ATF2: variants seen among roughly 807,000 people sequenced by gnomAD.
ATF2 encodes the protein activating transcription factor 2, also known as cyclic AMP-dependent transcription factor ATF-2.
A neutral mutation model predicts 60.6 loss-of-function variants in ATF2; 24 were observed. The ratio of observed to expected loss-of-function variants is 0.40; its 90% CI spans 0.29 to 0.56. The LOEUF (loss-of-function observed/expected upper bound fraction) is 0.56, where lower values mean the gene tolerates loss of function less well. Ranked by LOEUF, ATF2 falls within the 20% of genes least tolerant of loss-of-function variation. ATF2 has a pLI of 0.54. For missense variants in ATF2, 433 were observed against 607.7 expected, an observed-to-expected ratio of 0.71 and a Z score of 3.02; for synonymous variants, 206 against 215.4, an observed-to-expected ratio of 0.96 and a Z score of 0.38.
chr2:175,084,977 A>G (rs1484666627), intron 12 of ATF2, among the ~76,000 whole-genome samples: 1 of 152,174 alleles, frequency 6.6e-6, no homozygotes, highest in Non-Finnish European at 1.5e-5. Flanking sequence ...AAAAGCTTAA[A>G]TAATATGAAT....
chr2:175,158,421 G>C (rs113406804), intron 1 of ATF2, among the ~76,000 whole-genome samples: 1 of 151,820 alleles, frequency 6.6e-6, no homozygotes, highest in Non-Finnish European at 1.5e-5. Flanking sequence ...CCGGTCTCAC[G>C]ATGTTGCCCA....
intron 2 of ATF2, among the ~76,000 whole-genome samples, chr2:175,141,500 T>G (rs1183724748): frequency 6.6e-6 from 1 of 152,108 alleles, no homozygotes; most frequent in Admixed American, 6.5e-5. Context: ...TCTTTTCTTT[T>G]TTTTCTTTTC....
intron 11 of ATF2, 90 bp from the exon 12 acceptor site, chr2:175,093,357 C>A: frequency 1.5e-6 from 2 of 1,290,354 alleles, no homozygotes; most frequent in Non-Finnish European, 2.2e-6. Context: ...GGGAGAGCAA[C>A]TGTATTTTCT....
intron 10 of ATF2, among the ~76,000 whole-genome samples, 196 bp from the exon 11 acceptor site, chr2:175,097,789 C>T (rs1172225871): frequency 5.3e-5 from 8 of 152,126 alleles, no homozygotes; most frequent in Non-Finnish European, 1.2e-4. Flanking sequence ...AACATCATGT[C>T]ATTGTCCAAG....
chr2:175,101,246 A>C (rs1695290530), intron 10 of ATF2, among the ~76,000 whole-genome samples: 1 of 152,200 alleles, frequency 6.6e-6, no homozygotes, highest in Non-Finnish European at 1.5e-5. Flanking sequence ...GCTGGCTAGA[A>C]CCAGATAGGA....
chr2:175,087,300 G>T (rs1470864574), intron 12 of ATF2, among the ~76,000 whole-genome samples: 21 of 152,136 alleles, frequency 1.4e-4, no homozygotes, highest in Admixed American at 1.4e-3. Flanking sequence ...TCATCACTTT[G>T]TCAAAGTAAA....
chr2:175,110,297 T>C (rs544521203), intron 10 of ATF2, among the ~76,000 whole-genome samples: 4 of 151,714 alleles, frequency 2.6e-5, no homozygotes, highest in East Asian at 1.9e-4. Flanking sequence ...ATTGTGCCAC[T>C]GTACTCCAGC....
Position 175,074,423 on chromosome 2 carries a change from A to G in ATF2, c.*186T>C, listed in dbSNP as rs1693138125. On this transcript the variant is annotated 3_prime_UTR_variant, in exon 14 of 14. Coordinates refer to ENST00000264110, the MANE Select transcript of ATF2 (RefSeq NM_001880.4). ...AAAAAAGCAAAATCAGTCTTTTTCC[A>G]GAGACTAAAAACCGTTTTTCAGTCT... 1.1e-5 allele frequency: 6 copies of G among 536,780 alleles called. No homozygotes were observed. The South Asian group carries it at 2.7e-4, about 24-fold the overall frequency. The allele number at this position is 536,780 out of a possible 1,614,324, so 33.3% of individuals were successfully genotyped here.
In ATF2 at chr2:175,074,051, TAAAA is replaced by T. The variant is rs1211031558; in HGVS notation, c.*554_*557del. ...TGTCTTTACCATGTTTTCACTCACT[TAAAA>T]AAAAGTGTTCTTTAATGTTTTTCCT... On this transcript the variant is annotated 3_prime_UTR_variant, in exon 14 of 14. Coordinates refer to ENST00000264110, the MANE Select transcript of ATF2 (RefSeq NM_001880.4). 1 of 152,036 alleles carries T rather than the reference TAAAA, an allele frequency of 6.6e-6. No individual in the cohort carries two copies. The highest frequency in any genetic ancestry group is 2.4e-5 in the African/African-American group (1 of 41,408). The allele number at this position is 152,036 out of a possible 1,614,324, so 9.4% of individuals were successfully genotyped here.
chr2:175,101,765 T>A (rs757069710), intron 10 of ATF2, among the ~76,000 whole-genome samples: 3 of 152,166 alleles, frequency 2.0e-5, no homozygotes, highest in Non-Finnish European at 4.4e-5. Context: ...ACAGTACTCA[T>A]CCAGTGAGGA....
intron 10 of ATF2, among the ~76,000 whole-genome samples, chr2:175,103,063 A>G (rs1695412629): frequency 6.6e-6 from 1 of 152,208 alleles, no homozygotes; most frequent in Non-Finnish European, 1.5e-5. Flanking sequence ...TCCTAGAAAT[A>G]ATTGTCATTC....
intron 3 of ATF2, 138 bp downstream of exon 3, chr2:175,136,273 TA>T: frequency 2.5e-6 from 2 of 802,530 alleles, no homozygotes; most frequent in Admixed American, 2.4e-5. Context: ...GAGTATCAGC[TA>T]AACTACATAC....
intron 12 of ATF2, among the ~76,000 whole-genome samples, chr2:175,081,424 A>G (rs1693750199): frequency 6.6e-6 from 1 of 152,202 alleles, no homozygotes; most frequent in Non-Finnish European, 1.5e-5. Context: ...TGAGTACTTC[A>G]GCCATTGTTT....
At chr2:175,145,738 A>T (rs1698902231) in intron 2 of ATF2, among the ~76,000 whole-genome samples, 2 of 152,232 alleles carry the variant, frequency 1.3e-5, no homozygotes, top group Admixed American at 1.3e-4. Context: ...TTTCTGGCAC[A>T]AGATATTCAA....
chr2:175,140,959 T>A (rs867550416), intron 2 of ATF2, among the ~76,000 whole-genome samples: 1 of 115,376 alleles, frequency 8.7e-6, no homozygotes, highest in African/African-American at 3.3e-5. Flanking sequence ...CTCTTGCCAA[T>A]ACACTCCAGC....
chr2:175,114,081 C>T lies in ATF2; in HGVS notation c.654G>A (p.Leu218=), dbSNP rs1315554353. The T allele has an allele frequency of 3.7e-6, 6 of 1,612,130 alleles. No homozygotes were observed. Among genetic ancestry groups the T allele is most frequent in the South Asian group, 1.1e-5 (1 of 90,780 alleles). The part of the protein sequence containing the change: ...IVPVPGPFPL[L]LHLPNGQTMP... ...TGGTTTGTCCATTAGGAAGATGTAA[C>T]AGAAGAGGAAATGGGCCTGGTACAG... is the stretch of plus-strand genomic sequence containing the variant. The change falls in exon 9 of 14, where the codon CTG becomes CTA. Residue 218 remains leucine (L), a synonymous_variant. Transcript: ENST00000264110.
intron 5 of ATF2, among the ~76,000 whole-genome samples, chr2:175,119,028 TAAAG>T (rs954288522): frequency 2.0e-5 from 3 of 151,658 alleles, no homozygotes; most frequent in Non-Finnish European, 3.0e-5. Context: ...TCCTAAGGAG[TAAAG>T]AAAGAGTCTA....
intron 10 of ATF2, among the ~76,000 whole-genome samples, chr2:175,100,472 G>A (rs1465739619): frequency 6.6e-6 from 1 of 152,178 alleles, no homozygotes. Context: ...AAGTAAAGTA[G>A]AGGTTCCTCT....
At chr2:175,162,583 T>C (rs1197521926) in intron 1 of ATF2, among the ~76,000 whole-genome samples, 1 of 152,246 alleles carries the variant, frequency 6.6e-6, no homozygotes, top group Non-Finnish European at 1.5e-5. Flanking sequence ...AACTGAAAAC[T>C]ATTATTTTCC....
Sources: allele counts gnomAD v4.1 joint callset (sites outside exome capture counted in the v4.1 genomes callset), GRCh38; gene constraint gnomAD v4.1.1; transcripts MANE v1.5; gene names NCBI Gene and HGNC (gene_info 2026-07-23, HGNC 2026-07-21).